PLD5: variants seen among roughly 807,000 people sequenced by gnomAD.
PLD5 encodes phospholipase D family member 5.
A neutral mutation model predicts 61.1 loss-of-function variants in PLD5; 36 were observed. The ratio of observed to expected loss-of-function variants is 0.59; its 90% CI spans 0.45 to 0.78. The LOEUF (loss-of-function observed/expected upper bound fraction) is 0.78. Ranked by LOEUF, PLD5 falls within the 30% of genes least tolerant of loss-of-function variation. The pLI, the probability that PLD5 is intolerant of heterozygous loss-of-function variation, is 0.00. For synonymous variants in PLD5, 243 were observed against 242.8 expected, an observed-to-expected ratio of 1.00 and a Z score of -0.01; for missense variants, 515 against 644.4, an observed-to-expected ratio of 0.80 and a Z score of 2.17.
At chr1:242,454,531 A>G (rs2102928621) in intron 1 of PLD5, among the ~76,000 whole-genome samples, 1 of 152,290 alleles carries the variant, frequency 6.6e-6, no homozygotes, top group East Asian at 1.9e-4. Flanking sequence ...ACTTTCTAAA[A>G]CCACCCAAGA....
chr1:242,241,690 G>T (rs1014606499), intron 4 of PLD5, among the ~76,000 whole-genome samples: 1 of 151,634 alleles, frequency 6.6e-6, no homozygotes, highest in South Asian at 2.1e-4. Flanking sequence ...ATAAATGTGC[G>T]CAGGTTGGTG....
At chr1:242,503,115 C>G (rs191176898) in intron 1 of PLD5, among the ~76,000 whole-genome samples, 1 of 152,232 alleles carries the variant, frequency 6.6e-6, no homozygotes, top group African/African-American at 2.4e-5. Flanking sequence ...CCAATAACCA[C>G]TCCATATCTA....
At chr1:242,234,136 A>G (rs1324616140) in intron 4 of PLD5, among the ~76,000 whole-genome samples, 2 of 152,224 alleles carry the variant, frequency 1.3e-5, no homozygotes, top group Admixed American at 6.5e-5. Context: ...TCCAGAAAAA[A>G]AAATTACAAT....
At chr1:242,110,076 ATATTAT>A (rs57080161) in intron 7 of PLD5, among the ~76,000 whole-genome samples, 3 of 143,210 alleles carry the variant, frequency 2.1e-5, no homozygotes, top group Non-Finnish European at 3.1e-5. Context: ...ACTATATTAT[ATATTAT>A]TATTATTATA....
intron 1 of PLD5, among the ~76,000 whole-genome samples, chr1:242,407,802 C>T (rs1395418358): frequency 6.6e-6 from 1 of 152,080 alleles, no homozygotes; most frequent in South Asian, 2.1e-4. Context: ...TGGTCTCAAA[C>T]TCCTGACCTC....
chr1:242,211,634 C>A (rs576546804), intron 5 of PLD5, among the ~76,000 whole-genome samples: 1 of 152,116 alleles, frequency 6.6e-6, no homozygotes, highest in Non-Finnish European at 1.5e-5. Flanking sequence ...CTGTCTCATC[C>A]GTCATGCAGC....
intron 5 of PLD5, among the ~76,000 whole-genome samples, chr1:242,142,625 C>T (rs1664248273): frequency 6.6e-6 from 1 of 151,784 alleles, no homozygotes; most frequent in South Asian, 2.1e-4. Context: ...TAGCTATCCA[C>T]TTCTTTACAC....
At position 242,439,896 on chromosome 1, in the gene PLD5, G is replaced by A. The variant is rs987988279; in HGVS notation, c.189+84192C>T. ...ATTAAGAGAAAGAGAAACAGGGACA[G>A]TATAAGCCACAAGCAGTGGAAAGTT... On this transcript the variant is annotated intron_variant, in intron 1 of 9. Coordinates refer to ENST00000536534, the MANE Select transcript of PLD5 (RefSeq NM_001372062.1). Among the ~76,000 whole-genome samples the A allele has an allele frequency of 2.6e-5, 4 of 152,322 alleles. No homozygotes were observed. The East Asian group carries it at 5.8e-4, about 22-fold the overall frequency.
chr1:242,278,233 A>G (rs1263044695), intron 3 of PLD5, among the ~76,000 whole-genome samples: 1 of 152,194 alleles, frequency 6.6e-6, no homozygotes, highest in Non-Finnish European at 1.5e-5. Flanking sequence ...AAAATAGGAA[A>G]AACACAAATG....
intron 1 of PLD5, among the ~76,000 whole-genome samples, chr1:242,396,683 T>TC (rs1449804165): frequency 1.4e-5 from 2 of 148,130 alleles, no homozygotes; most frequent in African/African-American, 5.0e-5. Context: ...CTTTTTTTTT[T>TC]TTTTTTTTGA....
intron 5 of PLD5, chr1:242,203,468 T>A (rs935580914): frequency 1.3e-5 from 2 of 152,288 alleles, no homozygotes; most frequent in Non-Finnish European, 2.9e-5. Flanking sequence ...TGAAATGTAA[T>A]CCCCAGTGTT....
intron 9 of PLD5, among the ~76,000 whole-genome samples, chr1:242,091,829 TTTC>T (rs1659853381): frequency 6.7e-6 from 1 of 148,990 alleles, no homozygotes; most frequent in African/African-American, 2.5e-5. Context: ...CTTTTCTTTT[TTTC>T]TTTTTTTTTT....
At chr1:242,370,907 CA>C (rs748958518) in intron 1 of PLD5, among the ~76,000 whole-genome samples, 71 of 152,140 alleles carry the variant, frequency 4.7e-4, no homozygotes, top group Admixed American at 9.8e-4. Flanking sequence ...TGCAATATAT[CA>C]AAATAAGTCC....
At chr1:242,316,460 G>C (rs1445708738) in intron 2 of PLD5, among the ~76,000 whole-genome samples, 1 of 152,050 alleles carries the variant, frequency 6.6e-6, no homozygotes, top group Non-Finnish European at 1.5e-5. Context: ...TGGGGAGATG[G>C]TTATACGAGA....
rs1336213777 is a variant in PLD5, at chr1:242,394,869, AAT to A, written c.190-46629_190-46628del. 4.4e-5 allele frequency among the ~76,000 whole-genome samples: 5 copies of A among 113,848 alleles called. 1 individual carries two copies. The highest frequency in any genetic ancestry group is 2.4e-4 in the East Asian group (1 of 4,210). The allele number at this position is 113,848 out of a possible 152,430, so 74.7% of individuals were successfully genotyped here. ...ATATGTGAATATATATGTATATATGAATATATATGAATATATGTATATATATG... is the reference window on the plus strand; with the variant it reads ...ATATGTGAATATATATGTATATATGAATATATGAATATATGTATATATATG... On this transcript the variant is annotated intron_variant, in intron 1 of 9. Coordinates refer to ENST00000536534, the MANE Select transcript of PLD5 (RefSeq NM_001372062.1).
chr1:242,505,857 C>G (rs899321834), intron 1 of PLD5, among the ~76,000 whole-genome samples: 3 of 152,184 alleles, frequency 2.0e-5, no homozygotes, highest in Non-Finnish European at 2.9e-5. Context: ...CCACCTGCAC[C>G]TCTAAGCAGA....
intron 1 of PLD5, among the ~76,000 whole-genome samples, chr1:242,423,565 G>A (rs905810741): frequency 6.6e-6 from 1 of 152,110 alleles, no homozygotes; most frequent in East Asian, 1.9e-4. Flanking sequence ...ACAGTGAAGC[G>A]CTGAGGTAGG....
chr1:242,163,205 G>T (rs1435643200), intron 5 of PLD5, among the ~76,000 whole-genome samples: 1 of 149,934 alleles, frequency 6.7e-6, no homozygotes, highest in African/African-American at 2.5e-5. Flanking sequence ...GTGCAGTGGC[G>T]CGATCTCGGC....
intron 1 of PLD5, among the ~76,000 whole-genome samples, chr1:242,458,566 G>A (rs1667014878): frequency 6.6e-6 from 1 of 152,176 alleles, no homozygotes; most frequent in Admixed American, 6.5e-5. Flanking sequence ...TGAGAGTTTG[G>A]GCTGGAGAAA....
Sources: gnomAD v4.1 joint callset for allele counts (sites outside exome capture counted in the v4.1 genomes callset) on GRCh38, gnomAD v4.1.1 for gene constraint, MANE v1.5 for transcripts, NCBI Gene and HGNC (gene_info 2026-07-23, HGNC 2026-07-21) for gene names.